The following MAST4 variants were observed in gnomAD, a reference collection of about 807,000 sequenced individuals.
The protein encoded by MAST4 is microtubule associated serine/threonine kinase family member 4, also known as microtubule-associated serine/threonine-protein kinase 4.
In MAST4, 89 loss-of-function variants were observed where a neutral mutation model predicts 162.7. The observed-to-expected ratio is 0.55, with a 90% confidence interval of 0.46 to 0.65. MAST4 has a LOEUF of 0.65. Ranked by LOEUF, MAST4 falls within the 30% of genes least tolerant of loss-of-function variation. The pLI, the probability that MAST4 is intolerant of heterozygous loss-of-function variation, is 0.00. For missense variants in MAST4, 3,153 were observed against 3,374.0 expected (o/e 0.93, Z 1.62); for synonymous variants, 1,479 against 1,361.1 (o/e 1.09, Z -1.91).
intron 24 of MAST4, among the ~76,000 whole-genome samples, chr5:67,151,792 G>A (rs1350055144): frequency 3.1e-5 from 4 of 131,110 alleles, no homozygotes; most frequent in African/African-American, 8.4e-5. Flanking sequence ...TTTTGAGATA[G>A]GGTCTTGCTC....
chr5:66,836,766 G>A (rs1757994128), intron 3 of MAST4, among the ~76,000 whole-genome samples: 1 of 152,040 alleles, frequency 6.6e-6, no homozygotes, highest in Non-Finnish European at 1.5e-5. Flanking sequence ...ACAAAAAGAA[G>A]GGAACTTAAG....
At chr5:66,662,335 C>T (rs927365424) in intron 1 of MAST4, 3 of 152,130 alleles carry the variant, frequency 2.0e-5, no homozygotes, top group African/African-American at 7.2e-5. Flanking sequence ...AATTAAGTTA[C>T]AGTCTTCCAT....
At chr5:66,897,415 A>G (rs1316026561) in intron 3 of MAST4, among the ~76,000 whole-genome samples, 1 of 152,244 alleles carries the variant, frequency 6.6e-6, no homozygotes, top group African/African-American at 2.4e-5. Flanking sequence ...TGACAGGTGC[A>G]GATTTATCAG....
At chr5:67,007,575 T>A (rs60288068) in intron 4 of MAST4, among the ~76,000 whole-genome samples, 4,296 of 152,300 alleles carry the variant, frequency 0.028, 181 homozygotes, top group African/African-American at 0.086. Context: ...TTCTTTAATA[T>A]CAGCTTCTTG....
chr5:66,913,711 T>TA (rs2150022387), intron 4 of MAST4, among the ~76,000 whole-genome samples: 1 of 152,378 alleles, frequency 6.6e-6, no homozygotes, highest in Non-Finnish European at 1.5e-5. Context: ...CGTCTTTCCC[T>TA]AATCCAAAGT....
chr5:67,104,631 A>ATT, intron 10 of MAST4, 56 bp downstream of exon 10: 1 of 1,466,668 alleles, frequency 6.8e-7, no homozygotes, highest in African/African-American at 1.4e-5. Context: ...CCTGAAAAAA[A>ATT]TTTTTTTTTG....
At chr5:66,988,626 C>A (rs1749761483) in intron 4 of MAST4, among the ~76,000 whole-genome samples, 2 of 152,292 alleles carry the variant, frequency 1.3e-5, no homozygotes, top group South Asian at 4.1e-4. Flanking sequence ...TATCCAAGAT[C>A]ACAGAACTAG....
chr5:66,777,001 T>TG (rs1370507245), intron 2 of MAST4, among the ~76,000 whole-genome samples: 1 of 152,200 alleles, frequency 6.6e-6, no homozygotes, highest in Non-Finnish European at 1.5e-5. Context: ...GAACTATCAC[T>TG]GAGCACAAAT....
intron 26 of MAST4, among the ~76,000 whole-genome samples, chr5:67,157,438 G>A (rs866459407): frequency 1.1e-4 from 17 of 152,142 alleles, no homozygotes; most frequent in South Asian, 2.1e-4. Context: ...TTAAGCCCTG[G>A]TCTTCACTGT....
intron 11 of MAST4, among the ~76,000 whole-genome samples, chr5:67,112,148 TGGGAAATATCC>T (rs1226608060): frequency 6.6e-6 from 1 of 152,058 alleles, no homozygotes; most frequent in Non-Finnish European, 1.5e-5. Flanking sequence ...TTAACCAAAA[TGGGAAATATCC>T]AGGAAATATA....
intron 1 of MAST4, among the ~76,000 whole-genome samples, chr5:66,748,726 GA>G (rs1487540802): frequency 1.3e-5 from 2 of 151,874 alleles, no homozygotes; most frequent in African/African-American, 4.8e-5. Flanking sequence ...TTGACCTCAT[GA>G]TCCACCTGCC....
At chr5:66,886,618 C>T (rs1490040733) in intron 3 of MAST4, among the ~76,000 whole-genome samples, 1 of 150,620 alleles carries the variant, frequency 6.6e-6, no homozygotes, top group Non-Finnish European at 1.5e-5. Flanking sequence ...CAAGGCAGTC[C>T]AGTGTAATTC....
At chr5:66,789,226 A>AT (rs5868463) in intron 3 of MAST4, among the ~76,000 whole-genome samples, 39,883 of 151,948 alleles carry the variant, frequency 0.26, 6,035 homozygotes, top group Non-Finnish European at 0.35. Flanking sequence ...TACACACATG[A>AT]TTTTTTGAGG....
chr5:67,053,361 A>G (rs1268470696), intron 4 of MAST4, among the ~76,000 whole-genome samples: 2 of 152,200 alleles, frequency 1.3e-5, no homozygotes, highest in African/African-American at 2.4e-5. Flanking sequence ...TTCCTGTTTC[A>G]GGAATCTGGT....
rs568127606 is a variant in MAST4 at position 66,927,432 on chromosome 5, A to G, written c.674+27450A>G. On this transcript the variant is annotated intron_variant, in intron 4 of 28. Coordinates refer to ENST00000403625, the MANE Select transcript of MAST4 (RefSeq NM_001164664.2). ...GTTTTGAAATTTAGGTACCCAATTTAGCAGCATCTGACTTCTCATTTTCTT... is the reference window on the plus strand; with the variant it reads ...GTTTTGAAATTTAGGTACCCAATTTGGCAGCATCTGACTTCTCATTTTCTT... Among the ~76,000 whole-genome samples, 13 of 152,342 alleles carry G rather than the reference A, an allele frequency of 8.5e-5. No individual in the cohort carries two copies. In the South Asian group the frequency reaches 2.7e-3, roughly 32 times the overall value.
intron 4 of MAST4, among the ~76,000 whole-genome samples, chr5:66,959,498 A>G (rs2280174): frequency 0.16 from 24,067 of 152,218 alleles, 2,265 homozygotes; most frequent in Non-Finnish European, 0.22. Flanking sequence ...TCAGAGGAAA[A>G]GCATTGCTGC....
intron 4 of MAST4, among the ~76,000 whole-genome samples, chr5:67,033,408 A>T (rs541324847): frequency 1.3e-5 from 2 of 150,948 alleles, no homozygotes; most frequent in South Asian, 4.2e-4. Flanking sequence ...ACAGGCAAAA[A>T]AAAAAGCAGT....
chr5:66,608,561 A>G (rs1419297884), intron 1 of MAST4, among the ~76,000 whole-genome samples: 1 of 151,654 alleles, frequency 6.6e-6, no homozygotes, highest in Non-Finnish European at 1.5e-5. Context: ...TATCCCTAGC[A>G]AGTGTTGAGG....
chr5:66,609,635 C>G (rs942920035), intron 1 of MAST4, among the ~76,000 whole-genome samples: 1 of 151,448 alleles, frequency 6.6e-6, no homozygotes, highest in Non-Finnish European at 1.5e-5. Context: ...GATCCACCCA[C>G]CCTAGCCTCC....
Sources: allele counts gnomAD v4.1 joint callset (sites outside exome capture counted in the v4.1 genomes callset), GRCh38; gene constraint gnomAD v4.1.1; transcripts MANE v1.5; gene names NCBI Gene and HGNC (gene_info 2026-07-23, HGNC 2026-07-21).